FIP1L1: variants seen among roughly 807,000 people sequenced by gnomAD.
FIP1L1 encodes the protein factor interacting with PAPOLA and CPSF1.
FIP1L1 carries 21 observed loss-of-function variants against 84.6 expected under a neutral mutation model. That is an observed-to-expected ratio of 0.25 (90% CI 0.18 to 0.36). The LOEUF is 0.36. Among genes scored for constraint, FIP1L1 ranks in the 10% least tolerant of loss-of-function variants. The pLI, the probability that FIP1L1 is intolerant of heterozygous loss-of-function variation, is 1.00. For missense variants in FIP1L1, 526 were observed against 751.1 expected (o/e 0.70, Z 3.50); for synonymous variants, 263 against 242.3 (o/e 1.09, Z -0.80).
At chr4:53,398,510 A>G (rs1299913574) in intron 9 of FIP1L1, among the ~76,000 whole-genome samples, 2 of 152,234 alleles carry the variant, frequency 1.3e-5, no homozygotes, top group African/African-American at 2.4e-5. Context: ...TGGTTCAAAT[A>G]TATCAGTCAA....
At chr4:53,401,049 A>G (rs1396713555) in intron 10 of FIP1L1, among the ~76,000 whole-genome samples, 2 of 152,118 alleles carry the variant, frequency 1.3e-5, no homozygotes, top group Non-Finnish European at 2.9e-5. Flanking sequence ...TCGTTGGGCA[A>G]ATTCTCTAAT....
intron 11 of FIP1L1, among the ~76,000 whole-genome samples, chr4:53,422,090 T>A (rs1353416037): frequency 1.3e-5 from 2 of 152,184 alleles, no homozygotes; most frequent in South Asian, 4.1e-4. Context: ...TCTTTAAAAT[T>A]CAATTTTTTT....
intron 10 of FIP1L1, among the ~76,000 whole-genome samples, chr4:53,413,203 T>C (rs1757962471): frequency 6.6e-6 from 1 of 152,034 alleles, no homozygotes; most frequent in African/African-American, 2.4e-5. Flanking sequence ...ATTACCAGGA[T>C]GTTCCAGGCT....
intron 3 of FIP1L1, 102 bp downstream of exon 3, chr4:53,379,366 A>G (rs772748524): frequency 5.2e-6 from 5 of 965,710 alleles, no homozygotes; most frequent in Non-Finnish European, 7.8e-6. Context: ...CTTCATTACA[A>G]CACTGACTTA....
intron 13 of FIP1L1, 128 bp from the exon 14 acceptor site, chr4:53,442,525 C>T: frequency 3.2e-6 from 2 of 630,844 alleles, no homozygotes; most frequent in Admixed American, 2.9e-5. Flanking sequence ...TTTTTCTGTC[C>T]ATTATTACAA....
intron 16 of FIP1L1, among the ~76,000 whole-genome samples, chr4:53,457,540 C>T (rs1719908776): frequency 6.6e-6 from 1 of 152,058 alleles, no homozygotes; most frequent in East Asian, 1.9e-4. Flanking sequence ...TGAATCATTA[C>T]TTTTGCTAGA....
At chr4:53,393,090 C>A (rs1308916651) in intron 9 of FIP1L1, among the ~76,000 whole-genome samples, 1 of 152,082 alleles carries the variant, frequency 6.6e-6, no homozygotes, top group Non-Finnish European at 1.5e-5. Flanking sequence ...AACTAACCTG[C>A]AAACATTTGT....
chr4:53,456,544 TATTTTAGCA>T (rs1164930728), intron 16 of FIP1L1, among the ~76,000 whole-genome samples: 2 of 99,428 alleles, frequency 2.0e-5, no homozygotes, highest in Non-Finnish European at 2.7e-5. Context: ...TGAAGGCTGG[TATTTTAGCA>T]GTATGGCATG....
chr4:53,450,646 C>T (rs1462596509), intron 15 of FIP1L1, among the ~76,000 whole-genome samples: 1 of 152,112 alleles, frequency 6.6e-6, no homozygotes, highest in African/African-American at 2.4e-5. Context: ...GTTCTGTAGC[C>T]TGGGTGACAG....
rs763424878 is a variant in FIP1L1 at position 53,458,808 on chromosome 4, A to G, written c.1637+18A>G. 1.2e-6 allele frequency: 2 copies of G among 1,607,048 alleles called. No homozygotes were observed. Among genetic ancestry groups the G allele is most frequent in the African/African-American group, 1.3e-5 (1 of 74,310 alleles). On this transcript the variant is annotated intron_variant, in intron 17 of 17. Transcript: ENST00000337488. The stretch of plus-strand genomic sequence containing the variant: ...TCTCGAAGGTTTGCTCTTTAATAAA[A>G]TAGTGAACCAATAGTATGTGAGAGA...
chr4:53,429,078 A>G (rs1355584263), intron 13 of FIP1L1, among the ~76,000 whole-genome samples: 1 of 152,202 alleles, frequency 6.6e-6, no homozygotes, highest in East Asian at 1.9e-4. Flanking sequence ...TACAGAACCA[A>G]ATCCAGGGTC....
intron 2 of FIP1L1, 43 bp from the exon 3 acceptor site, chr4:53,379,182 A>G (rs763878554): frequency 6.2e-7 from 1 of 1,606,324 alleles, no homozygotes; most frequent in Non-Finnish European, 8.5e-7. Flanking sequence ...TGGTTTCTTT[A>G]TTTTGTTTGC....
At chr4:53,387,463 A>G (rs1741715513) in intron 5 of FIP1L1, among the ~76,000 whole-genome samples, 1 of 152,188 alleles carries the variant, frequency 6.6e-6, no homozygotes, top group Non-Finnish European at 1.5e-5. Flanking sequence ...TTTATTTTGG[A>G]GTTCCTATAG....
Position 53,383,675 on chromosome 4 carries a change from GA to G in FIP1L1, c.229-87del, listed in dbSNP as rs943248259. The G allele has an allele frequency of 9.1e-3, 8,998 of 989,120 alleles. 19 individuals carry two copies. The highest frequency in any genetic ancestry group is 0.033 in the African/African-American group (1,924 of 57,458). The allele number at this position is 989,120 out of a possible 1,614,324, so 61.3% of individuals were successfully genotyped here. ...AGAGTCTGTCTCAAGACAGAAGAAA[GA>G]AAAAAAAAAACAGGGTGGTTACTTT... On this transcript the variant is annotated intron_variant, in intron 4 of 17. Transcript: ENST00000337488.
chr4:53,408,983 C>T (rs1578481825), intron 10 of FIP1L1, among the ~76,000 whole-genome samples: 1 of 152,204 alleles, frequency 6.6e-6, no homozygotes, highest in South Asian at 2.1e-4. Context: ...CTGAAGCTTT[C>T]TTCTCTCAAC....
intron 5 of FIP1L1, among the ~76,000 whole-genome samples, chr4:53,388,881 C>G (rs1173236842): frequency 6.6e-6 from 1 of 152,090 alleles, no homozygotes; most frequent in Non-Finnish European, 1.5e-5. Context: ...GTATACAAGT[C>G]TTAGGTGTTT....
chr4:53,387,336 G>A (rs1247796956), intron 5 of FIP1L1, among the ~76,000 whole-genome samples: 2 of 152,176 alleles, frequency 1.3e-5, no homozygotes, highest in East Asian at 3.8e-4. Flanking sequence ...TAACTGGTTG[G>A]TTGTGGATGG....
At position 53,447,660 on chromosome 4, in the gene FIP1L1, A is replaced by G. The variant is rs1418094329; in HGVS notation, c.1285+3557A>G. Among the ~76,000 whole-genome samples, 4 of 152,144 alleles carry G rather than the reference A, an allele frequency of 2.6e-5. No individual in the cohort carries two copies. The East Asian group carries it at 7.7e-4, about 29-fold the overall frequency. On this transcript the variant is annotated intron_variant, in intron 15 of 17. Transcript: ENST00000337488. ...GACAAATAATTCAAATTACAAGTTG[A>G]GTATTCCTTATCAGAAATGCTTGGG...
intron 16 of FIP1L1, among the ~76,000 whole-genome samples, chr4:53,456,169 A>ATG (rs1232911228): frequency 6.6e-6 from 1 of 152,194 alleles, no homozygotes; most frequent in Non-Finnish European, 1.5e-5. Flanking sequence ...AAGGAACTTA[A>ATG]TGCAAAACTT....
Sources: gnomAD v4.1 joint callset for allele counts (sites outside exome capture counted in the v4.1 genomes callset) on GRCh38, gnomAD v4.1.1 for gene constraint, MANE v1.5 for transcripts, NCBI Gene and HGNC (gene_info 2026-07-23, HGNC 2026-07-21) for gene names.